Variants in UTY observed in about 807,000 individuals in gnomAD.
The protein encoded by UTY is ubiquitously transcribed tetratricopeptide repeat containing, Y-linked, also known as histone demethylase UTY.
In UTY, 12 loss-of-function variants were observed where a neutral mutation model predicts 32.5. That is an observed-to-expected ratio of 0.37 (90% confidence interval 0.24 to 0.60). UTY has a LOEUF of 0.60. UTY is among the 20% of genes least tolerant of loss of function. UTY has a pLI of 0.69. For missense variants in UTY, 303 were observed against 299.2 expected, an observed-to-expected ratio of 1.01 and a Z score of -0.09; for synonymous variants, 131 against 103.4, an observed-to-expected ratio of 1.27 and a Z score of -1.62.
chrY:13,335,967 A>C lies in UTY; in HGVS notation c.2430T>G (p.His810Gln). The C allele has an allele frequency of 2.5e-6, 1 of 399,195 alleles. No individual in the cohort carries two copies. Among genetic ancestry groups the C allele is most frequent in the South Asian group, 3.0e-5 (1 of 33,808 alleles). The part of the protein sequence containing the change: ...LIADAVSSPN[H>Q]GDSPNLLIAD... ...CAATTAATAAATTTGGTGAATCTCC[A>C]TGGTTAGGACTGGAAACAGCATCTG... The change falls in exon 18 of 30, where the codon CAT becomes CAG. Residue 810 changes from histidine (H) to glutamine (Q), a missense_variant. Coordinates refer to ENST00000545955, the MANE Select transcript of UTY (RefSeq NM_001258249.2).
chrY:13,355,802 T>C, intron 16 of UTY, 121 bp downstream of exon 16: 2 of 251,691 alleles, frequency 7.9e-6, no homozygotes, highest in Non-Finnish European at 1.2e-5. Context: ...GATATATACA[T>C]CCCATGAAAT....
At chrY:13,353,511 C>T (rs2062584503) in intron 17 of UTY, among the ~76,000 whole-genome samples, 1 of 34,083 alleles carries the variant, frequency 2.9e-5, no homozygotes, top group African/African-American at 1.1e-4. Flanking sequence ...ATCTATTCTG[C>T]GGCTCATGGA....
At chrY:13,447,627 A>G in intron 4 of UTY, among the ~76,000 whole-genome samples, 1 of 34,117 alleles carries the variant, frequency 2.9e-5, no homozygotes, top group South Asian at 6.4e-4. Flanking sequence ...ACATCGACTA[A>G]TATGTCTTAA....
chrY:13,380,615 C>T (rs2066021737), intron 8 of UTY, among the ~76,000 whole-genome samples: 1 of 32,819 alleles, frequency 3.0e-5, no homozygotes, highest in Admixed American at 2.8e-4. Flanking sequence ...CACAGAACAC[C>T]AGGCAGAATA....
chrY:13,437,343 C>T (rs2149920516), intron 4 of UTY, among the ~76,000 whole-genome samples: 2 of 33,277 alleles, frequency 6.0e-5, no homozygotes, highest in South Asian at 1.3e-3. Context: ...CCACTACTGA[C>T]CTTTTAAACT....
At chrY:13,407,155 C>CT (rs2070167300) in intron 6 of UTY, among the ~76,000 whole-genome samples, 2 of 31,821 alleles carry the variant, frequency 6.3e-5, no homozygotes, top group Admixed American at 2.9e-4. Flanking sequence ...CAAAATTAAC[C>CT]TTTTTTTCAA....
chrY:13,338,329 G>A, intron 17 of UTY, among the ~76,000 whole-genome samples: 6 of 27,941 alleles, frequency 2.1e-4, no homozygotes, highest in Admixed American at 1.3e-3. Context: ...TGGCTAACAT[G>A]GCGAAAACCT....
At chrY:13,311,370 C>T (rs2059061420) in intron 21 of UTY, among the ~76,000 whole-genome samples, 1 of 32,418 alleles carries the variant, frequency 3.1e-5, no homozygotes, top group Admixed American at 2.8e-4. Flanking sequence ...CCGAGGCGGG[C>T]GGATCACGAG....
chrY:13,413,979 C>T (rs913785349), intron 5 of UTY, among the ~76,000 whole-genome samples: 1 of 34,518 alleles, frequency 2.9e-5, no homozygotes, highest in Non-Finnish European at 7.3e-5. Flanking sequence ...TCTTGTGAAG[C>T]GGCACCCAAA....
At chrY:13,257,030 C>T (rs978041217) in intron 28 of UTY, among the ~76,000 whole-genome samples, 4 of 34,186 alleles carry the variant, frequency 1.2e-4, no homozygotes, top group African/African-American at 4.5e-4. Flanking sequence ...TATTATCCAG[C>T]GATGCCCAAC....
intron 3 of UTY, among the ~76,000 whole-genome samples, chrY:13,455,993 C>T: frequency 3.2e-5 from 1 of 31,485 alleles, no homozygotes; most frequent in Admixed American, 3.0e-4. Context: ...TTGGAATGAG[C>T]CTTAGTGACC....
At chrY:13,418,063 C>G (rs1603457543) in intron 4 of UTY, among the ~76,000 whole-genome samples, 4 of 9,997 alleles carry the variant, frequency 4.0e-4, no homozygotes, top group South Asian at 8.1e-3. Context: ...ATCCCTCCCC[C>G]CTCCCCCCAC....
At chrY:13,346,179 AG>A (rs2061883755) in intron 17 of UTY, among the ~76,000 whole-genome samples, 16 of 33,279 alleles carry the variant, frequency 4.8e-4, no homozygotes, top group Admixed American at 8.2e-4. Flanking sequence ...AGGTGAAGAT[AG>A]GGTGCACAAC....
At chrY:13,354,828 G>A in intron 17 of UTY, 175 bp downstream of exon 17, 1 of 358,596 alleles carries the variant, frequency 2.8e-6, no homozygotes. Context: ...GATGTCCAAG[G>A]TAGGCCTGTA....
intron 5 of UTY, among the ~76,000 whole-genome samples, chrY:13,411,866 C>T (rs2071006541): frequency 6.0e-5 from 2 of 33,385 alleles, no homozygotes; most frequent in East Asian, 1.5e-3. Flanking sequence ...CATAGATTTC[C>T]TATAGTCTAG....
chrY:13,305,934 G>A, intron 23 of UTY, 104 bp downstream of exon 23: 1 of 229,174 alleles, frequency 4.4e-6, no homozygotes, highest in South Asian at 4.1e-5. Context: ...AAGAGAGAGA[G>A]ATAATTAGGA....
At chrY:13,307,014 T>G in intron 21 of UTY, among the ~76,000 whole-genome samples, 1 of 33,468 alleles carries the variant, frequency 3.0e-5, no homozygotes, top group Non-Finnish European at 7.4e-5. Flanking sequence ...TAATTATAAG[T>G]GCCAAGTAGC....
intron 17 of UTY, among the ~76,000 whole-genome samples, chrY:13,347,074 C>T: frequency 5.9e-5 from 2 of 33,630 alleles, no homozygotes; most frequent in Non-Finnish European, 1.5e-4. Context: ...CAACTATAAC[C>T]TATTAGTAGT....
intron 4 of UTY, among the ~76,000 whole-genome samples, chrY:13,447,591 A>G (rs981456735): frequency 8.8e-5 from 3 of 34,068 alleles, no homozygotes; most frequent in Non-Finnish European, 1.5e-4. Flanking sequence ...TGAAAAAATG[A>G]AGATAATGAT....
Sources: allele counts gnomAD v4.1 joint callset (sites outside exome capture counted in the v4.1 genomes callset), GRCh38; gene constraint gnomAD v4.1.1; transcripts MANE v1.5; gene names NCBI Gene and HGNC (gene_info 2026-07-23, HGNC 2026-07-21).